Variants in PPP3CA observed in about 807,000 individuals in gnomAD.
PPP3CA encodes CAM-PRP catalytic subunit.
Under a neutral mutation model 66.5 loss-of-function variants are expected in PPP3CA, and 14 were observed. That is an observed-to-expected ratio of 0.21 (90% CI 0.14 to 0.33). PPP3CA has a LOEUF of 0.33. Among genes scored for constraint, PPP3CA ranks in the 10% least tolerant of loss-of-function variants. The pLI is 1.00. For missense variants in PPP3CA, 317 were observed against 639.5 expected (o/e 0.50, Z 5.44); for synonymous variants, 232 against 226.2 (o/e 1.03, Z -0.23).
intron 1 of PPP3CA, among the ~76,000 whole-genome samples, chr4:101,324,139 GGGAAGGAAGGGAGGGAGGAA>G (rs1294785592): frequency 1.8e-4 from 22 of 122,842 alleles, no homozygotes; most frequent in African/African-American, 8.1e-4. Flanking sequence ...AGGGAAGGAA[GGGAAGGAAGGGAGGGAGGAA>G]GGAAGGAAGG....
At position 101,039,244 on chromosome 4, in the gene PPP3CA, C is replaced by A. The variant is rs75051409; in HGVS notation, c.1241+1238G>T. On this transcript the variant is annotated intron_variant, in intron 11 of 13. Transcript: ENST00000394854. ...TTACCTCATTTCTTCATGAAGGTCA[C>A]CTATGCTTGCCCAAATACCATTACT... 4.9e-4 allele frequency among the ~76,000 whole-genome samples: 71 copies of A among 144,622 alleles called. 3 individuals are homozygous for A. In the East Asian group the frequency reaches 0.012, roughly 24 times the overall value. 94.9% of individuals were successfully genotyped at this position (144,622 alleles called of 152,430 possible).
At chr4:101,063,422 A>C in intron 8 of PPP3CA, 65 bp from the exon 9 acceptor site, 1 of 1,515,230 alleles carries the variant, frequency 6.6e-7, no homozygotes, top group Non-Finnish European at 8.9e-7. Context: ...GTATGGCTTT[A>C]GCTCATCAAG....
At chr4:101,050,699 C>T (rs571474309) in intron 10 of PPP3CA, among the ~76,000 whole-genome samples, 20 of 152,286 alleles carry the variant, frequency 1.3e-4, no homozygotes, top group African/African-American at 4.6e-4. Context: ...ACCTACTTCA[C>T]TCGTGGTGGC....
chr4:101,071,644 G>A (rs1049845340), intron 8 of PPP3CA, among the ~76,000 whole-genome samples: 3 of 152,168 alleles, frequency 2.0e-5, no homozygotes, highest in African/African-American at 4.8e-5. Flanking sequence ...TGGCAGAAGA[G>A]CACTTGGCAA....
At chr4:101,092,501 T>A (rs569365238) in intron 6 of PPP3CA, among the ~76,000 whole-genome samples, 5 of 151,954 alleles carry the variant, frequency 3.3e-5, no homozygotes, top group African/African-American at 1.2e-4. Context: ...GTTTGTTACA[T>A]AGGTATACAT....
intron 1 of PPP3CA, among the ~76,000 whole-genome samples, chr4:101,278,140 T>A (rs2850345): frequency 0.38 from 43,977 of 115,788 alleles, 8,280 homozygotes; most frequent in East Asian, 0.7. Flanking sequence ...AAAAAAAAAA[T>A]AAAAAAATTA....
chr4:101,341,873 A>C (rs1228955837), intron 1 of PPP3CA, among the ~76,000 whole-genome samples: 1 of 152,218 alleles, frequency 6.6e-6, no homozygotes, highest in Non-Finnish European at 1.5e-5. Flanking sequence ...TAGTTCTAGA[A>C]GTATTCAAAA....
intron 1 of PPP3CA, among the ~76,000 whole-genome samples, chr4:101,274,239 G>A (rs1289494147): frequency 6.6e-6 from 1 of 152,180 alleles, no homozygotes; most frequent in Non-Finnish European, 1.5e-5. Flanking sequence ...AGGAGGCGGA[G>A]GTTATAGTGA....
At chr4:101,080,871 G>C (rs1373257164) in intron 7 of PPP3CA, among the ~76,000 whole-genome samples, 1 of 152,040 alleles carries the variant, frequency 6.6e-6, no homozygotes, top group African/African-American at 2.4e-5. Flanking sequence ...TTCTAAGTTA[G>C]CAAACCTCAA....
At chr4:101,331,219 C>T (rs1043790414) in intron 1 of PPP3CA, among the ~76,000 whole-genome samples, 5 of 152,038 alleles carry the variant, frequency 3.3e-5, no homozygotes, top group African/African-American at 9.7e-5. Flanking sequence ...ACTTGGAGTC[C>T]AAATACCTGA....
At chr4:101,292,838 G>A (rs569106691) in intron 1 of PPP3CA, among the ~76,000 whole-genome samples, 1 of 152,228 alleles carries the variant, frequency 6.6e-6, no homozygotes, top group Admixed American at 6.5e-5. Flanking sequence ...GGAAGAAAGT[G>A]TTTTTCTCAT....
intron 1 of PPP3CA, among the ~76,000 whole-genome samples, chr4:101,281,260 T>C (rs1203276502): frequency 2.6e-5 from 4 of 152,160 alleles, no homozygotes; most frequent in African/African-American, 9.7e-5. Flanking sequence ...CATAATTCTT[T>C]TGGAGAGTTT....
intron 2 of PPP3CA, among the ~76,000 whole-genome samples, chr4:101,146,461 TA>T: frequency 6.6e-6 from 1 of 151,904 alleles, no homozygotes; most frequent in South Asian, 2.1e-4. Context: ...TTTTTTTTTT[TA>T]AATGGAGTCT....
intron 2 of PPP3CA, among the ~76,000 whole-genome samples, chr4:101,135,191 A>C (rs1028524441): frequency 6.6e-5 from 10 of 151,982 alleles, no homozygotes; most frequent in Non-Finnish European, 1.2e-4. Context: ...CACCTTCTGC[A>C]CACGTATCAC....
chr4:101,176,273 G>A (rs1249105885), intron 2 of PPP3CA, among the ~76,000 whole-genome samples: 1 of 152,158 alleles, frequency 6.6e-6, no homozygotes, highest in African/African-American at 2.4e-5. Context: ...ACTGTTAAAT[G>A]TATTAGTGTA....
At chr4:101,035,377 T>C (rs1445099023) in intron 11 of PPP3CA, among the ~76,000 whole-genome samples, 1 of 152,250 alleles carries the variant, frequency 6.6e-6, no homozygotes. Context: ...ATTAGCTTTT[T>C]ACCTACAAAA....
chr4:101,221,577 C>T (rs1204711539), intron 1 of PPP3CA, among the ~76,000 whole-genome samples: 1 of 151,208 alleles, frequency 6.6e-6, no homozygotes, highest in African/African-American at 2.4e-5. Flanking sequence ...AAAAACAAAA[C>T]AAAACAAAAT....
At chr4:101,212,171 T>A (rs2110205835) in intron 1 of PPP3CA, among the ~76,000 whole-genome samples, 1 of 152,302 alleles carries the variant, frequency 6.6e-6, no homozygotes, top group East Asian at 1.9e-4. Flanking sequence ...GGGGTATACT[T>A]GAAAACTCTC....
At chr4:101,265,675 C>T (rs1276323889) in intron 1 of PPP3CA, among the ~76,000 whole-genome samples, 1 of 152,110 alleles carries the variant, frequency 6.6e-6, no homozygotes, top group East Asian at 1.9e-4. Flanking sequence ...TAAGGAGTGG[C>T]TAAATTCCAA....
Sources: gnomAD v4.1 joint callset for allele counts (sites outside exome capture counted in the v4.1 genomes callset) on GRCh38, gnomAD v4.1.1 for gene constraint, MANE v1.5 for transcripts, NCBI Gene and HGNC (gene_info 2026-07-23, HGNC 2026-07-21) for gene names.